CDKN2B-AS1: variants seen among roughly 807,000 people sequenced by gnomAD.
CDKN2B-AS1 encodes CDKN2B and CDKN2A antisense cis and trans regulatory RNA 1.
chr9:22,068,787 A>G (rs1824171651), intron 4 of CDKN2B-AS1, among the ~76,000 whole-genome samples: 2 of 152,238 alleles, frequency 1.3e-5, no homozygotes, highest in South Asian at 2.1e-4. Flanking sequence ...CTTGGATAGT[A>G]TCTTCCACTA....
intron 1 of CDKN2B-AS1, among the ~76,000 whole-genome samples, chr9:22,024,459 A>G (rs931660128): frequency 6.6e-6 from 1 of 152,204 alleles, no homozygotes; most frequent in Non-Finnish European, 1.5e-5. Context: ...GTGCTTTTGC[A>G]CTGGTGATGG....
intron 4 of CDKN2B-AS1, among the ~76,000 whole-genome samples, chr9:22,074,818 C>T (rs1446279092): frequency 6.6e-6 from 1 of 152,182 alleles, no homozygotes; most frequent in African/African-American, 2.4e-5. Context: ...TCTGGTTTCT[C>T]TTAAGCCAGA....
chr9:22,085,209 T>C (rs1004862688), intron 4 of CDKN2B-AS1, among the ~76,000 whole-genome samples: 3 of 152,178 alleles, frequency 2.0e-5, no homozygotes, highest in African/African-American at 7.2e-5. Context: ...AGTTTATCAG[T>C]TAATTAAGAG....
chr9:22,039,653 CAG>C lies in CDKN2B-AS1; in HGVS notation n.30-7096_30-7095del, dbSNP rs963841445. On this transcript the variant is annotated intron_variant and non_coding_transcript_variant, in intron 1 of 4. Coordinates refer to ENST00000650946, the Ensembl canonical transcript of CDKN2B-AS1. This position sits in a 1 kb window ranked among gnomAD's most constrained non-coding sequence, Gnocchi z 4.4. Reference sequence around the variant, plus strand: ...TAATTTATATAGTCTCTTAAAAAAACAGATTATAGTAAGAAGTGGCTGAGCAA... The same window carrying C: ...TAATTTATATAGTCTCTTAAAAAAACATTATAGTAAGAAGTGGCTGAGCAA... Among the ~76,000 whole-genome samples, 22 of 152,028 alleles carry C rather than the reference CAG, an allele frequency of 1.4e-4. No homozygotes were observed. The highest frequency in any genetic ancestry group is 4.8e-4 in the African/African-American group (20 of 41,508).
intron 1 of CDKN2B-AS1, among the ~76,000 whole-genome samples, chr9:22,028,145 T>C (rs1254887493): frequency 2.6e-5 from 4 of 152,106 alleles, no homozygotes; most frequent in Non-Finnish European, 5.9e-5. Context: ...ATAATATTGG[T>C]GTCCATGCTA....
Position 22,036,081 on chromosome 9 carries a change from C to G in CDKN2B-AS1, n.30-10670C>G, listed in dbSNP as rs182628676. Among the ~76,000 whole-genome samples, 331 of 152,194 alleles carry G rather than the reference C, an allele frequency of 2.2e-3. 1 individual carries two copies. The highest frequency in any genetic ancestry group is 3.9e-3 in the Non-Finnish European group (262 of 67,994). On this transcript the variant is annotated intron_variant and non_coding_transcript_variant, in intron 1 of 4. Coordinates refer to ENST00000650946, the Ensembl canonical transcript of CDKN2B-AS1. ...GTTTTTCACCTTTCTTTTTCTCTCT[C>G]CTTTCTTATCATGAAGAATAAAGAC...
In CDKN2B-AS1 at chr9:22,006,315, G is replaced by C. The variant is rs1007263689; in HGVS notation, n.29+11154G>C. ...GTATGGGAGATGCCGGCCGGGGCAAGGCAGGTGGAGCCATTTAAAGAAACA... is the reference window on the plus strand; with the variant it reads ...GTATGGGAGATGCCGGCCGGGGCAACGCAGGTGGAGCCATTTAAAGAAACA... On this transcript the variant is annotated intron_variant and non_coding_transcript_variant, in intron 1 of 4. Transcript: ENST00000650946. The surrounding 1 kb of genome is among the most constrained non-coding windows in gnomAD (Gnocchi z 6.4). The C allele has an allele frequency of 1.9e-6, 3 of 1,591,134 alleles. No individual in the cohort carries two copies. The South Asian group carries it at 3.3e-5, about 18-fold the overall frequency.
chr9:22,015,072 G>A (rs1050556299), intron 1 of CDKN2B-AS1, among the ~76,000 whole-genome samples: 6 of 151,804 alleles, frequency 4.0e-5, no homozygotes, highest in Non-Finnish European at 7.4e-5. Flanking sequence ...ATAAACATAC[G>A]TGTGCATGTG....
At chr9:22,014,972 G>T (rs752179592) in intron 1 of CDKN2B-AS1, among the ~76,000 whole-genome samples, 5 of 151,958 alleles carry the variant, frequency 3.3e-5, no homozygotes, top group Non-Finnish European at 7.4e-5. Context: ...GTATTCCATG[G>T]TGTATATATG....
chr9:22,050,731 C>T (rs1311335150), intron 3 of CDKN2B-AS1, among the ~76,000 whole-genome samples: 2 of 152,144 alleles, frequency 1.3e-5, no homozygotes, highest in African/African-American at 4.8e-5. Context: ...GCTTTTGGCA[C>T]CTAATTCGCT....
intron 3 of CDKN2B-AS1, among the ~76,000 whole-genome samples, chr9:22,051,541 C>T (rs1196564312): frequency 6.6e-6 from 1 of 152,110 alleles, no homozygotes; most frequent in Admixed American, 6.6e-5. Context: ...GAATTTTCTT[C>T]CAAAGGCAGT....
At chr9:22,126,319 G>T (rs1392413229) in intron 4 of CDKN2B-AS1, among the ~76,000 whole-genome samples, 1 of 152,134 alleles carries the variant, frequency 6.6e-6, no homozygotes, top group African/African-American at 2.4e-5. Flanking sequence ...TTCCTCTGGA[G>T]AATAAAATGA....
At chr9:22,098,156 T>A (rs113810330) in intron 4 of CDKN2B-AS1, among the ~76,000 whole-genome samples, 3,180 of 136,758 alleles carry the variant, frequency 0.023, 44 homozygotes, top group Middle Eastern at 0.086. Flanking sequence ...TCTCTCTGTC[T>A]CTGTGTGTGT....
chr9:22,060,227 A>C (rs989894588), intron 4 of CDKN2B-AS1, among the ~76,000 whole-genome samples: 6 of 152,152 alleles, frequency 3.9e-5, no homozygotes, highest in African/African-American at 1.4e-4. Flanking sequence ...TTTCCCTTTT[A>C]AAACTGAATG....
intron 4 of CDKN2B-AS1, among the ~76,000 whole-genome samples, chr9:22,088,134 G>A (rs1229478365): frequency 6.6e-6 from 1 of 152,156 alleles, no homozygotes; most frequent in African/African-American, 2.4e-5. Context: ...TCCCCTTGGA[G>A]GTGACTTAGG....
At chr9:22,009,933 T>A (rs1821413901) in intron 1 of CDKN2B-AS1, among the ~76,000 whole-genome samples, 1 of 151,934 alleles carries the variant, frequency 6.6e-6, no homozygotes, top group African/African-American at 2.4e-5. Flanking sequence ...ATACAACCCT[T>A]AAAAGAGAAA....
At chr9:22,117,924 T>C (rs1825995421) in intron 4 of CDKN2B-AS1, 1 of 152,240 alleles carries the variant, frequency 6.6e-6, no homozygotes, top group Non-Finnish European at 1.5e-5. Flanking sequence ...TGTGATTTCA[T>C]TAGTTCCTCC....
chr9:22,075,145 C>A (rs893461996), intron 4 of CDKN2B-AS1, among the ~76,000 whole-genome samples: 1 of 152,150 alleles, frequency 6.6e-6, no homozygotes, highest in Non-Finnish European at 1.5e-5. Context: ...TCAGGCATGA[C>A]AAAATACATG....
At chr9:22,126,368 T>C (rs1382676829) in intron 4 of CDKN2B-AS1, among the ~76,000 whole-genome samples, 1 of 152,178 alleles carries the variant, frequency 6.6e-6, no homozygotes, top group Non-Finnish European at 1.5e-5. Flanking sequence ...TTTTATTATA[T>C]ATTCTTTTGT....
Sources: allele counts gnomAD v4.1 joint callset (sites outside exome capture counted in the v4.1 genomes callset), GRCh38; gene constraint gnomAD v4.1.1; non-coding constraint Gnocchi (gnomAD v3.1); transcripts MANE v1.5; gene names NCBI Gene and HGNC (gene_info 2026-07-23, HGNC 2026-07-21).